FUT8: variants seen among roughly 807,000 people sequenced by gnomAD.
FUT8 encodes alpha-(1,6)-fucosyltransferase.
In FUT8, 29 loss-of-function variants were observed where a neutral mutation model predicts 71.3. The observed-to-expected ratio is 0.41, with a 90% CI of 0.30 to 0.55. The LOEUF (loss-of-function observed/expected upper bound fraction) is 0.55, where lower values mean the gene tolerates loss of function less well. Ranked by LOEUF, FUT8 falls within the 20% of genes least tolerant of loss-of-function variation. The probability of loss-of-function intolerance (pLI) is 0.34; values close to 1 mark genes in which losing one functional copy is unlikely to be tolerated. For synonymous variants in FUT8, 254 were observed against 239.3 expected (o/e 1.06, Z -0.57); for missense variants, 544 against 702.1 (o/e 0.77, Z 2.55).
At chr14:65,399,382 A>G in the FUT8 span, among the ~76,000 whole-genome samples, 1 of 152,220 alleles carries the variant, frequency 6.6e-6, no homozygotes, top group Non-Finnish European at 1.5e-5. Context: ...CCACTGACCA[A>G]TGAGAATTTT....
rs972069354 is a variant in FUT8 at position 65,550,317 on chromosome 14, G to A, written c.-227-11020G>A. On this transcript the variant is annotated intron_variant, in intron 2 of 10. Coordinates refer to ENST00000673929, the MANE Select transcript of FUT8 (RefSeq NM_001371533.1). This position sits in a 1 kb window ranked among gnomAD's most constrained non-coding sequence, Gnocchi z 4.5. ...TCATAAGTTGAAAGTATCATGAGTC[G>A]CAATATGTTTAATACACCTAATCTG... 3.9e-5 allele frequency among the ~76,000 whole-genome samples: 6 copies of A among 152,106 alleles called. No homozygotes were observed. Among genetic ancestry groups the A allele is most frequent in the African/African-American group, 7.2e-5 (3 of 41,404 alleles).
At chr14:65,672,304 T>G (rs754507042) in intron 7 of FUT8, among the ~76,000 whole-genome samples, 7 of 152,198 alleles carry the variant, frequency 4.6e-5, no homozygotes, top group Non-Finnish European at 7.3e-5. Flanking sequence ...AAATGATCAA[T>G]TTAGTTTTTT....
At chr14:65,623,936 C>T (rs1889763812) in intron 5 of FUT8, among the ~76,000 whole-genome samples, 1 of 152,164 alleles carries the variant, frequency 6.6e-6, no homozygotes, top group African/African-American at 2.4e-5. Flanking sequence ...TCCCTGCTTT[C>T]TGGGACTCTT....
At chr14:65,393,348 T>G in the FUT8 span, among the ~76,000 whole-genome samples, 2 of 152,182 alleles carry the variant, frequency 1.3e-5, no homozygotes, top group Admixed American at 6.5e-5. Flanking sequence ...GATTCTGTGC[T>G]GTGGAAATTG....
intron 2 of FUT8, among the ~76,000 whole-genome samples, chr14:65,487,455 C>T (rs777891587): frequency 2.0e-5 from 3 of 149,202 alleles, no homozygotes; most frequent in South Asian, 2.2e-4. Flanking sequence ...CCAAGCTACT[C>T]GGGAGGCTGA....
chr14:65,496,996 A>G (rs539061045), intron 2 of FUT8, among the ~76,000 whole-genome samples: 2 of 152,056 alleles, frequency 1.3e-5, no homozygotes, highest in African/African-American at 2.4e-5. Context: ...AATAATAGCA[A>G]CCACCTCCTA....
At chr14:65,558,438 T>A (rs1885718332) in intron 2 of FUT8, among the ~76,000 whole-genome samples, 1 of 152,182 alleles carries the variant, frequency 6.6e-6, no homozygotes, top group Non-Finnish European at 1.5e-5. Context: ...AGTTTATTAA[T>A]GACTTTATTT....
rs371285165 is a variant in FUT8, at chr14:65,537,079, T to C, written c.-227-24258T>C. 8.6e-5 allele frequency among the ~76,000 whole-genome samples: 13 copies of C among 151,740 alleles called. No homozygotes were observed. The East Asian group carries it at 1.8e-3, about 20-fold the overall frequency. ...TTGCTGTTAATACTTGAGATTCTTA[T>C]AGAGGTTTTTTCAGCTCTATCAGAT... is the stretch of plus-strand genomic sequence containing the variant. On this transcript the variant is annotated intron_variant, in intron 2 of 10. Transcript: ENST00000673929.
intron 7 of FUT8, among the ~76,000 whole-genome samples, chr14:65,720,672 A>G (rs1175689012): frequency 2.0e-5 from 3 of 152,312 alleles, no homozygotes; most frequent in Non-Finnish European, 1.5e-5. Flanking sequence ...AACCCAGCAC[A>G]GCACTAAAAC....
Position 65,627,061 on chromosome 14 carries a change from A to G in FUT8, c.483-2431A>G, listed in dbSNP as rs1174226811. 6.6e-6 allele frequency among the ~76,000 whole-genome samples: 1 copy of G among 152,202 alleles called. No individual in the cohort carries two copies. Among genetic ancestry groups the G allele is most frequent in the African/African-American group, 2.4e-5 (1 of 41,452 alleles). On this transcript the variant is annotated intron_variant, in intron 5 of 10. Transcript: ENST00000673929. The surrounding 1 kb of genome is among the most constrained non-coding windows in gnomAD (Gnocchi z 4.0). ...GCTACTTTTTCATTCATCTAAAGAT[A>G]TTTATCGAATATTTTGTCTGTGACA... is the stretch of plus-strand genomic sequence containing the variant.
Position 65,460,532 on chromosome 14 carries a change from G to A in FUT8, c.-228+4814G>A, listed in dbSNP as rs893743689. Among the ~76,000 whole-genome samples, 5 of 152,168 alleles carry A rather than the reference G, an allele frequency of 3.3e-5. No individual in the cohort carries two copies. The South Asian group carries it at 1.0e-3, about 32-fold the overall frequency. On this transcript the variant is annotated intron_variant, in intron 2 of 10. Coordinates refer to ENST00000673929, the MANE Select transcript of FUT8 (RefSeq NM_001371533.1). The stretch of plus-strand genomic sequence containing the variant: ...AGCTTGAGGAATCAGTAAAAAATAT[G>A]GTACTCTGTCTATGCTATTGTTGTG...
intron 3 of FUT8, among the ~76,000 whole-genome samples, chr14:65,575,624 T>TTCCTTC (rs1450820244): frequency 2.0e-4 from 27 of 137,270 alleles, no homozygotes; most frequent in Admixed American, 9.8e-4. Flanking sequence ...CCTTCCTTCC[T>TTCCTTC]CTTTTTTTTT....
chr14:65,641,484 C>A (rs972162182), intron 6 of FUT8, among the ~76,000 whole-genome samples: 1 of 152,094 alleles, frequency 6.6e-6, no homozygotes, highest in Admixed American at 6.5e-5. Flanking sequence ...TATGTACAAG[C>A]CTTTCTGTGG....
intron 2 of FUT8, among the ~76,000 whole-genome samples, chr14:65,497,781 AATG>A (rs1166538170): frequency 6.6e-6 from 1 of 152,062 alleles, no homozygotes; most frequent in Non-Finnish European, 1.5e-5. Flanking sequence ...ATTCAAACAA[AATG>A]ATTGTTGAGA....
chr14:65,407,780 C>T (rs190879532), upstream of FUT8, among the ~76,000 whole-genome samples: 1 of 152,354 alleles, frequency 6.6e-6, no homozygotes, highest in Admixed American at 6.5e-5. Flanking sequence ...GGTATGACCA[C>T]AGCTCAATCA....
rs1430400666 is a variant in FUT8 at position 65,638,056 on chromosome 14, C to G, written c.597+8450C>G. 2.0e-5 allele frequency among the ~76,000 whole-genome samples: 3 copies of G among 152,218 alleles called. No homozygotes were observed. The highest frequency in any genetic ancestry group is 6.5e-5 in the Admixed American group (1 of 15,286). On this transcript the variant is annotated intron_variant, in intron 6 of 10. Coordinates refer to ENST00000673929, the MANE Select transcript of FUT8 (RefSeq NM_001371533.1). The surrounding 1 kb of genome is among the most constrained non-coding windows in gnomAD (Gnocchi z 4.5). Reference sequence around the variant, plus strand: ...CATTTAGGTTGATTTATTGCACCTGCGCCTAAGTTGGGTCAGTCGTTTCTG... The same window carrying G: ...CATTTAGGTTGATTTATTGCACCTGGGCCTAAGTTGGGTCAGTCGTTTCTG...
intron 1 of FUT8, among the ~76,000 whole-genome samples, chr14:65,447,228 G>A (rs2065755700): frequency 2.0e-5 from 3 of 150,026 alleles, no homozygotes; most frequent in Admixed American, 6.7e-5. Context: ...GGAGGCAGAG[G>A]CTGTAGTGAG....
chr14:65,660,324 CT>C lies in FUT8; in HGVS notation c.598-8915del, dbSNP rs1448802150. Among the ~76,000 whole-genome samples, 2 of 152,238 alleles carry C rather than the reference CT, an allele frequency of 1.3e-5. No homozygotes were observed. The highest frequency in any genetic ancestry group is 1.3e-4 in the Admixed American group (2 of 15,282). On this transcript the variant is annotated intron_variant, in intron 6 of 10. Coordinates refer to ENST00000673929, the MANE Select transcript of FUT8 (RefSeq NM_001371533.1). This position sits in a 1 kb window ranked among gnomAD's most constrained non-coding sequence, Gnocchi z 4.1. ...TCTATTGGATTTATGGAATTTCCAT[CT>C]TTTAAAAATGACTTTAAAGCATTTA... is the stretch of plus-strand genomic sequence containing the variant.
chr14:65,575,943 GT>G (rs1243595121), intron 3 of FUT8, among the ~76,000 whole-genome samples: 1 of 152,108 alleles, frequency 6.6e-6, no homozygotes, highest in Non-Finnish European at 1.5e-5. Flanking sequence ...TTATAATTCA[GT>G]TTTCAAAATA....
Sources: allele counts gnomAD v4.1 joint callset (sites outside exome capture counted in the v4.1 genomes callset), GRCh38; gene constraint gnomAD v4.1.1; non-coding constraint Gnocchi (gnomAD v3.1); transcripts MANE v1.5; gene names NCBI Gene and HGNC (gene_info 2026-07-23, HGNC 2026-07-21).